Variants in MYO1B observed in about 807,000 individuals in gnomAD.
MYO1B encodes the protein myosin IB, also known as unconventional myosin-Ib.
A neutral mutation model predicts 159.7 loss-of-function variants in MYO1B; 72 were observed. The observed-to-expected ratio is 0.45, with a 90% confidence interval of 0.37 to 0.55. The LOEUF (loss-of-function observed/expected upper bound fraction) is 0.55, where lower values mean the gene tolerates loss of function less well. Among genes scored for constraint, MYO1B ranks in the 20% least tolerant of loss-of-function variants. The pLI, the probability that MYO1B is intolerant of heterozygous loss-of-function variation, is 0.00. For synonymous variants in MYO1B, 468 were observed against 473.8 expected (o/e 0.99, Z 0.16); for missense variants, 1,062 against 1,364.8 (o/e 0.78, Z 3.50).
intron 13 of MYO1B, 117 bp downstream of exon 13, chr2:191,370,409 G>A (rs1290346119): frequency 5.5e-6 from 4 of 721,274 alleles, no homozygotes; most frequent in African/African-American, 5.4e-5. Flanking sequence ...AATAATCCTT[G>A]TGTAGATGTA....
intron 3 of MYO1B, among the ~76,000 whole-genome samples, chr2:191,325,383 ATGACT>A (rs1438232015): frequency 2.0e-5 from 3 of 152,146 alleles, no homozygotes; most frequent in Non-Finnish European, 4.4e-5. Context: ...TTTGAAGAAA[ATGACT>A]TGAAATAAGA....
intron 4 of MYO1B, among the ~76,000 whole-genome samples, chr2:191,334,681 T>G (rs1445673699): frequency 6.6e-6 from 1 of 152,106 alleles, no homozygotes; most frequent in Non-Finnish European, 1.5e-5. Context: ...CTTGTCACCC[T>G]TTCCTCTGGT....
In MYO1B at chr2:191,424,700, A is replaced by G. The variant is rs1035418265; in HGVS notation, c.*740A>G. The G allele has an allele frequency of 2.0e-5, 3 of 152,252 alleles. No individual in the cohort carries two copies. The highest frequency in any genetic ancestry group is 4.4e-5 in the Non-Finnish European group (3 of 68,012). The allele number at this position is 152,252 out of a possible 1,614,324, so 9.4% of individuals were successfully genotyped here. A position where few individuals can be genotyped will look rare whatever the true frequency, so the allele number is the denominator to read the frequency against. ...ACAGTAGAAAATAGAAGTCATTCTT[A>G]TTTTAGAAAAAGTGACAGAAGCAGT... On this transcript the variant is annotated 3_prime_UTR_variant, in exon 31 of 31. Coordinates refer to ENST00000392318, the MANE Select transcript of MYO1B (RefSeq NM_001130158.3).
chr2:191,365,251 G>A (rs534642492), intron 11 of MYO1B, among the ~76,000 whole-genome samples: 2 of 152,216 alleles, frequency 1.3e-5, no homozygotes, highest in East Asian at 3.9e-4. Context: ...TTCCACTCAG[G>A]CCCCCACTTT....
At position 191,409,166 on chromosome 2, in the gene MYO1B, C is replaced by T. The variant is rs746325109; in HGVS notation, c.2754C>T (p.Phe918=). 6.2e-7 allele frequency: 1 copy of T among 1,609,510 alleles called. No individual in the cohort carries two copies. The highest frequency in any genetic ancestry group is 1.7e-5 in the Admixed American group (1 of 58,964). The change falls in exon 26 of 31, where the codon TTC becomes TTT. Residue 918 remains phenylalanine (F), a synonymous_variant. Coordinates refer to ENST00000392318, the MANE Select transcript of MYO1B (RefSeq NM_001130158.3). The stretch of plus-strand genomic sequence containing the variant: ...CTCACAAGGAGCTAAAAAGGATTTT[C>T]CACTTGTGGAGGGTAAAAAATGTCA... The part of the protein sequence containing the change: ...DSTHKELKRI[F]HLWRCKKYRD...
chr2:191,406,887 G>T (rs1574630265), intron 24 of MYO1B, among the ~76,000 whole-genome samples: 1 of 152,212 alleles, frequency 6.6e-6, no homozygotes, highest in African/African-American at 2.4e-5. Flanking sequence ...ATATGTTACA[G>T]TTTTTAAACC....
chr2:191,334,903 C>T (rs1215757713), intron 4 of MYO1B, among the ~76,000 whole-genome samples: 1 of 152,138 alleles, frequency 6.6e-6, no homozygotes, highest in African/African-American at 2.4e-5. Flanking sequence ...ACAGGCAAAA[C>T]AAGCAACCAA....
intron 3 of MYO1B, among the ~76,000 whole-genome samples, chr2:191,327,796 A>G (rs1362081277): frequency 1.3e-5 from 2 of 152,216 alleles, no homozygotes; most frequent in Non-Finnish European, 2.9e-5. Flanking sequence ...GTTATTCAAA[A>G]AAGACCCTGG....
Position 191,374,687 on chromosome 2 carries a change from A to G in MYO1B, c.1185+4395A>G, listed in dbSNP as rs553448016. On this transcript the variant is annotated intron_variant, in intron 13 of 30. Coordinates refer to ENST00000392318, the MANE Select transcript of MYO1B (RefSeq NM_001130158.3). ...AGTTTGGAAAATAGATCAGTAGAAC[A>G]TTGATACCAAAAATAAGGTGAAGTG... 8.6e-4 allele frequency among the ~76,000 whole-genome samples: 131 copies of G among 152,360 alleles called. 2 individuals are homozygous for G. The South Asian group carries it at 0.026, about 30-fold the overall frequency.
intron 7 of MYO1B, among the ~76,000 whole-genome samples, chr2:191,358,912 G>A (rs147750664): frequency 2.2e-4 from 33 of 152,344 alleles, no homozygotes; most frequent in African/African-American, 7.2e-4. Context: ...TTCCCAAATC[G>A]CTGGCACATA....
At position 191,296,180 on chromosome 2, in the gene MYO1B, G is replaced by A. The variant is rs1297421582; in HGVS notation, c.205G>A (p.Val69Met). The A allele has an allele frequency of 6.2e-7, 1 of 1,610,302 alleles. No homozygotes were observed. Among genetic ancestry groups the A allele is most frequent in the Non-Finnish European group, 8.5e-7 (1 of 1,177,352 alleles). The change falls in exon 3 of 31, where the codon GTG becomes ATG. Residue 69 changes from valine to methionine, a missense_variant. This residue lies in a region of MYO1B where 415 missense variants were observed against 544.0 expected (regional missense o/e 0.76). Transcript: ENST00000392318. ...RSLPIYSPEKVEEYRNRNFYE... is the reference protein window; with the variant it reads ...RSLPIYSPEKMEEYRNRNFYE... ...TTTACCCATTTATTCACCAGAGAAAGTGGAAGAATACAGGAACAGAAATTT... is the reference window on the plus strand; with the variant it reads ...TTTACCCATTTATTCACCAGAGAAAATGGAAGAATACAGGAACAGAAATTT...
At chr2:191,276,805 G>A in intron 1 of MYO1B, 82 bp from the exon 2 acceptor site, 3 of 1,471,828 alleles carry the variant, frequency 2.0e-6, no homozygotes, top group Non-Finnish European at 2.7e-6. Context: ...AGCTACCAGT[G>A]TTGGATTTCT....
intron 4 of MYO1B, 98 bp downstream of exon 4, chr2:191,330,127 A>G (rs1352965898): frequency 1.7e-5 from 17 of 973,544 alleles, no homozygotes; most frequent in Non-Finnish European, 2.7e-5. Context: ...GATCTGTCGC[A>G]GGGCCACTGT....
intron 1 of MYO1B, among the ~76,000 whole-genome samples, chr2:191,249,597 G>C (rs1685989473): frequency 6.6e-6 from 1 of 152,202 alleles, no homozygotes; most frequent in Admixed American, 6.5e-5. Context: ...CCAAGTACAG[G>C]AGCAGACTGG....
intron 30 of MYO1B, among the ~76,000 whole-genome samples, chr2:191,417,714 T>G (rs775004204): frequency 6.6e-6 from 1 of 152,244 alleles, no homozygotes; most frequent in Non-Finnish European, 1.5e-5. Context: ...CTAATAACGA[T>G]GTACTGTGAA....
chr2:191,421,169 A>G (rs976506983), intron 30 of MYO1B, among the ~76,000 whole-genome samples: 1 of 151,180 alleles, frequency 6.6e-6, no homozygotes, highest in African/African-American at 2.4e-5. Context: ...TCCTGGGTTC[A>G]AGGGATTCTC....
At chr2:191,364,991 A>G (rs1185805517) in intron 11 of MYO1B, among the ~76,000 whole-genome samples, 1 of 150,608 alleles carries the variant, frequency 6.6e-6, no homozygotes, top group East Asian at 1.9e-4. Flanking sequence ...TACTTCTTGA[A>G]CCCCCTCTAC....
At chr2:191,248,729 A>G (rs1172617453) in intron 1 of MYO1B, among the ~76,000 whole-genome samples, 1 of 152,230 alleles carries the variant, frequency 6.6e-6, no homozygotes, top group Non-Finnish European at 1.5e-5. Context: ...TTGTGTAGCT[A>G]ACTACTAAGT....
intron 7 of MYO1B, among the ~76,000 whole-genome samples, chr2:191,355,621 GC>G (rs1329529074): frequency 6.6e-6 from 1 of 152,166 alleles, no homozygotes; most frequent in Non-Finnish European, 1.5e-5. Flanking sequence ...TGTGTGCATT[GC>G]CCCATCTGTC....
Sources: allele counts gnomAD v4.1 joint callset (sites outside exome capture counted in the v4.1 genomes callset), GRCh38; gene constraint gnomAD v4.1.1; regional missense constraint gnomAD v4.1.1; transcripts MANE v1.5; gene names NCBI Gene and HGNC (gene_info 2026-07-23, HGNC 2026-07-21).